Variants in ADGRL3 observed in about 807,000 individuals in gnomAD.
The protein encoded by ADGRL3 is calcium-independent alpha-latrotoxin receptor 3.
Under a neutral mutation model 153.5 loss-of-function variants are expected in ADGRL3, and 62 were observed. The observed-to-expected ratio is 0.40, with a 90% CI of 0.33 to 0.50. The LOEUF is 0.50. ADGRL3 is among the 20% of genes least tolerant of loss of function. The pLI is 0.47. For synonymous variants in ADGRL3, 710 were observed against 672.5 expected (o/e 1.06, Z -0.86); for missense variants, 1,641 against 1,859.4 (o/e 0.88, Z 2.16).
At chr4:61,746,404 A>AT (rs1380294913) in intron 8 of ADGRL3, among the ~76,000 whole-genome samples, 1 of 152,118 alleles carries the variant, frequency 6.6e-6, no homozygotes, top group East Asian at 1.9e-4. Flanking sequence ...CAGAATATAC[A>AT]TTTTTTTCAG....
chr4:61,919,658 A>G (rs978342772), intron 13 of ADGRL3, among the ~76,000 whole-genome samples: 1 of 152,212 alleles, frequency 6.6e-6, no homozygotes, highest in Admixed American at 6.5e-5. Flanking sequence ...TCATACAGGT[A>G]TTATTGAAGA....
chr4:61,754,555 T>C (rs1004671610), intron 8 of ADGRL3, among the ~76,000 whole-genome samples: 1 of 151,954 alleles, frequency 6.6e-6, no homozygotes, highest in Non-Finnish European at 1.5e-5. Flanking sequence ...TTATGCTTGA[T>C]TGTAACCACC....
intron 9 of ADGRL3, among the ~76,000 whole-genome samples, chr4:61,869,004 G>A (rs190702521): frequency 1.3e-5 from 2 of 152,166 alleles, no homozygotes; most frequent in South Asian, 2.1e-4. Context: ...CTGCAGCCTC[G>A]TGATGGCAGC....
intron 9 of ADGRL3, among the ~76,000 whole-genome samples, chr4:61,849,934 T>C (rs1004860580): frequency 6.6e-5 from 10 of 152,126 alleles, no homozygotes; most frequent in Non-Finnish European, 1.5e-4. Context: ...ACAGATTGAC[T>C]TGAAGAATAT....
intron 1 of ADGRL3, among the ~76,000 whole-genome samples, chr4:61,351,208 A>G (rs1337490101): frequency 6.6e-6 from 1 of 152,220 alleles, no homozygotes; most frequent in Non-Finnish European, 1.5e-5. Context: ...AGCCTAATCC[A>G]GGGGAAGGCC....
chr4:61,532,079 T>C (rs2098621394), intron 4 of ADGRL3, among the ~76,000 whole-genome samples: 1 of 152,174 alleles, frequency 6.6e-6, no homozygotes. Context: ...AAATATTTGA[T>C]AGAATTGGTG....
At chr4:61,966,201 G>A (rs2099005978) in intron 17 of ADGRL3, among the ~76,000 whole-genome samples, 1 of 152,044 alleles carries the variant, frequency 6.6e-6, no homozygotes, top group Non-Finnish European at 1.5e-5. Context: ...TACTTATATT[G>A]TTTTGTTCAG....
chr4:61,693,583 C>T (rs2095579372), intron 6 of ADGRL3, among the ~76,000 whole-genome samples: 1 of 152,152 alleles, frequency 6.6e-6, no homozygotes, highest in African/African-American at 2.4e-5. Context: ...TACTCACATC[C>T]TTGACAGAGA....
At chr4:61,743,083 A>G (rs4513598) in intron 8 of ADGRL3, among the ~76,000 whole-genome samples, 87,654 of 151,308 alleles carry the variant, frequency 0.58, 27,825 homozygotes, top group African/African-American at 0.83. Context: ...CACTTTGGGA[A>G]GCCAAGGCAG....
At chr4:62,025,339 A>T (rs1472532677) in intron 21 of ADGRL3, among the ~76,000 whole-genome samples, 1 of 152,138 alleles carries the variant, frequency 6.6e-6, no homozygotes, top group Non-Finnish European at 1.5e-5. Context: ...GCCTGCTAAG[A>T]TCTGTGACTA....
intron 3 of ADGRL3, among the ~76,000 whole-genome samples, chr4:61,503,945 T>C (rs1336956112): frequency 6.6e-6 from 1 of 152,136 alleles, no homozygotes; most frequent in African/African-American, 2.4e-5. Context: ...TTCTCATCTA[T>C]TTTATGTTGA....
chr4:61,257,228 T>G (rs1178847062), intron 1 of ADGRL3, among the ~76,000 whole-genome samples: 1 of 152,192 alleles, frequency 6.6e-6, no homozygotes, highest in Non-Finnish European at 1.5e-5. Context: ...CTGACACATT[T>G]GCCCTCCTAT....
At chr4:61,258,163 T>C (rs998705887) in intron 1 of ADGRL3, among the ~76,000 whole-genome samples, 1 of 152,206 alleles carries the variant, frequency 6.6e-6, no homozygotes, top group Non-Finnish European at 1.5e-5. Flanking sequence ...ACCAGGTCCC[T>C]TGATAAACTG....
chr4:62,007,184 C>T (rs2099162124), intron 21 of ADGRL3, among the ~76,000 whole-genome samples: 1 of 150,582 alleles, frequency 6.6e-6, no homozygotes, highest in Non-Finnish European at 1.5e-5. Flanking sequence ...GCTTGTCTCC[C>T]ATGTTCAGGA....
intron 8 of ADGRL3, among the ~76,000 whole-genome samples, chr4:61,746,105 A>G (rs907562477): frequency 4.6e-5 from 7 of 152,224 alleles, no homozygotes; most frequent in African/African-American, 1.7e-4. Flanking sequence ...TCAAAGAGAC[A>G]AAGAAGGCCA....
At position 62,068,186 on chromosome 4, in the gene ADGRL3, A is replaced by G. The variant is rs1474532990; in HGVS notation, c.3832+3A>G. On this transcript the variant is annotated splice_donor_region_variant and intron_variant, in intron 26 of 26. Coordinates refer to ENST00000683033, the MANE Select transcript of ADGRL3 (RefSeq NM_001387552.1). ...TTTAGAGCCCTACAGAGAGACAAGT[A>G]TGGGAGTAAAGCTAAACATTGCATA... The G allele has an allele frequency of 6.3e-7, 1 of 1,585,472 alleles. No individual in the cohort carries two copies. The highest frequency in any genetic ancestry group is 8.5e-7 in the Non-Finnish European group (1 of 1,173,412).
At chr4:62,011,255 A>G (rs533749905) in intron 21 of ADGRL3, among the ~76,000 whole-genome samples, 1 of 152,302 alleles carries the variant, frequency 6.6e-6, no homozygotes, top group Admixed American at 6.5e-5. Context: ...TTTACATGTT[A>G]TGAGAGCTTT....
At chr4:61,364,886 G>A (rs1226673810) in intron 1 of ADGRL3, among the ~76,000 whole-genome samples, 1 of 152,158 alleles carries the variant, frequency 6.6e-6, no homozygotes, top group South Asian at 2.1e-4. Context: ...ACTTTTGAAT[G>A]ACTGTGGTAT....
intron 1 of ADGRL3, among the ~76,000 whole-genome samples, chr4:61,274,461 G>A (rs2093364615): frequency 6.6e-6 from 1 of 152,122 alleles, no homozygotes; most frequent in Non-Finnish European, 1.5e-5. Context: ...TTCCATGAGA[G>A]CAGGATTATT....
Sources: allele counts gnomAD v4.1 joint callset (sites outside exome capture counted in the v4.1 genomes callset), GRCh38; gene constraint gnomAD v4.1.1; transcripts MANE v1.5; gene names NCBI Gene and HGNC (gene_info 2026-07-23, HGNC 2026-07-21).